Variants in ESYT3 observed in about 807,000 individuals in gnomAD.
The protein encoded by ESYT3 is extended synaptotagmin 3.
Under a neutral mutation model 111.5 loss-of-function variants are expected in ESYT3, and 101 were observed. The ratio of observed to expected loss-of-function variants is 0.91; its 90% CI spans 0.77 to 1.07. The LOEUF is 1.07. Ranked by LOEUF, ESYT3 falls within the 50% of genes least tolerant of loss-of-function variation. The probability of loss-of-function intolerance (pLI) is 0.00; values close to 1 mark genes in which losing one functional copy is unlikely to be tolerated. For synonymous variants in ESYT3, 416 were observed against 446.8 expected (o/e 0.93, Z 0.87); for missense variants, 1,097 against 1,109.4 (o/e 0.99, Z 0.16).
At chr3:138,455,055 G>A in intron 2 of ESYT3, 139 bp from the exon 3 acceptor site, 5 of 891,930 alleles carry the variant, frequency 5.6e-6, no homozygotes, top group Non-Finnish European at 6.9e-6. Context: ...GGGTGGGCAG[G>A]CAAGCAGGTG....
In ESYT3 at chr3:138,472,245, G is replaced by T. The variant is rs2033255354; in HGVS notation, c.1741-118G>T. The T allele has an allele frequency of 2.2e-6, 3 of 1,335,748 alleles. No homozygotes were observed. In the South Asian group the frequency reaches 4.3e-5, roughly 19 times the overall value. 82.7% of individuals were successfully genotyped at this position (1,335,748 alleles called of 1,614,324 possible). A position where few individuals can be genotyped will look rare whatever the true frequency, so the allele number is the denominator to read the frequency against. On this transcript the variant is annotated intron_variant, in intron 17 of 22. Coordinates refer to ENST00000389567, the MANE Select transcript of ESYT3 (RefSeq NM_031913.5). ...ACCATATGTATTACTGGAAATGGAA[G>T]TTCCCTAGGAAGGGTCTTTATAATT...
intron 20 of ESYT3, 89 bp downstream of exon 20, chr3:138,474,441 C>T (rs2033391605): frequency 1.4e-6 from 2 of 1,414,960 alleles, no homozygotes; most frequent in African/African-American, 2.9e-5. Flanking sequence ...CTGCCAGATG[C>T]TGGAAGGGGC....
rs574925789 is a variant in ESYT3, at chr3:138,439,616, G to T, written c.327+4491G>T. Among the ~76,000 whole-genome samples the T allele has an allele frequency of 3.3e-5, 5 of 152,286 alleles. No individual in the cohort carries two copies. In the South Asian group the frequency reaches 1.0e-3, roughly 32 times the overall value. On this transcript the variant is annotated intron_variant, in intron 1 of 22. Transcript: ENST00000389567. ...CCCTTCACTGACCCGTGAATTTCCA[G>T]TTACTCATTCAGCCATTGATCAGTG...
In ESYT3 at chr3:138,477,902, G is replaced by GAAGC. The variant is rs562014445; in HGVS notation, c.*1050_*1053dup. On this transcript the variant is annotated 3_prime_UTR_variant, in exon 23 of 23. Transcript: ENST00000389567. ...CCTCTGCCTTCACTGCCACTTTTCT[G>GAAGC]AAGCAGGGCAACATTCGAGAACAAA... 2 of 152,136 alleles carry GAAGC rather than the reference G, an allele frequency of 1.3e-5. No individual in the cohort carries two copies. The highest frequency in any genetic ancestry group is 4.1e-4 in the South Asian group (2 of 4,832). 9.4% of individuals were successfully genotyped at this position (152,136 alleles called of 1,614,324 possible).
At position 138,478,405 on chromosome 3, in the gene ESYT3, T is replaced by C. The variant is rs1351608862; in HGVS notation, c.*1551T>C. ...CAAATTCTCATAATAAAATGGAGCA[T>C]TGATGCCTACCCTGTCTACCTTATG... On this transcript the variant is annotated 3_prime_UTR_variant, in exon 23 of 23. Transcript: ENST00000389567. 1 of 152,166 alleles carries C rather than the reference T, an allele frequency of 6.6e-6. No homozygotes were observed. Among genetic ancestry groups the C allele is most frequent in the Admixed American group, 6.5e-5 (1 of 15,284 alleles). 9.4% of individuals were successfully genotyped at this position (152,166 alleles called of 1,614,324 possible). A position where few individuals can be genotyped will look rare whatever the true frequency, so the allele number is the denominator to read the frequency against.
intron 4 of ESYT3, 133 bp downstream of exon 4, chr3:138,457,777 C>T (rs1363603533): frequency 6.2e-6 from 5 of 806,920 alleles, no homozygotes; most frequent in African/African-American, 1.7e-5. Context: ...TCCCCTCCTC[C>T]CAGCTTCTCC....
At chr3:138,439,358 C>G (rs1166125093) in intron 1 of ESYT3, among the ~76,000 whole-genome samples, 1 of 152,230 alleles carries the variant, frequency 6.6e-6, no homozygotes, top group South Asian at 2.1e-4. Context: ...TTCTGTGGAA[C>G]CCCCTGCACC....
chr3:138,436,039 T>G (rs953384945), intron 1 of ESYT3, among the ~76,000 whole-genome samples: 1 of 152,204 alleles, frequency 6.6e-6, no homozygotes, highest in East Asian at 1.9e-4. Context: ...GTCTCTAGCC[T>G]GTGGCCTATA....
chr3:138,442,589 G>A (rs1560211239), intron 1 of ESYT3, among the ~76,000 whole-genome samples: 1 of 152,150 alleles, frequency 6.6e-6, no homozygotes, highest in Non-Finnish European at 1.5e-5. Context: ...CTCCTACAGG[G>A]CCCTGAGCAT....
rs1270880829 is a variant in ESYT3 at position 138,470,961 on chromosome 3, G to C, written c.1675G>C (p.Glu559Gln). The C allele has an allele frequency of 1.2e-6, 2 of 1,614,128 alleles. No homozygotes were observed. The highest frequency in any genetic ancestry group is 1.7e-6 in the Non-Finnish European group (2 of 1,180,026). The change falls in exon 17 of 23, where the codon GAG becomes CAG. Residue 559 changes from glutamate to glutamine, a missense_variant. Transcript: ENST00000389567. ...QILPYADLTL[E>Q]QRFQLDHSGL... The stretch of plus-strand genomic sequence containing the variant: ...CCTCCCCTATGCTGACCTCACTCTT[G>C]AGCAGCGCTTTCAGCTGGACCACTC...
In ESYT3 at chr3:138,443,736, C is replaced by CTG. The variant is rs11268903; in HGVS notation, c.328-8293_328-8292dup. On this transcript the variant is annotated intron_variant, in intron 1 of 22. Transcript: ENST00000389567. The stretch of plus-strand genomic sequence containing the variant: ...TGTCCACACATCTGTGTTTGTGCAT[C>CTG]TGTGTGTGTGTGTGTGTGTGACATG... 1.4e-3 allele frequency among the ~76,000 whole-genome samples: 201 copies of CTG among 147,936 alleles called. 1 individual carries two copies. Among genetic ancestry groups the CTG allele is most frequent in the South Asian group, 5.2e-3 (24 of 4,654 alleles).
chr3:138,456,937 A>T (rs2032310040), intron 3 of ESYT3, among the ~76,000 whole-genome samples: 1 of 152,110 alleles, frequency 6.6e-6, no homozygotes, highest in Non-Finnish European at 1.5e-5. Context: ...GCCCTGCAGG[A>T]GAAACACCTG....
rs568518223 is a variant in ESYT3, at chr3:138,451,953, C to T, written c.328-95C>T. On this transcript the variant is annotated intron_variant, in intron 1 of 22. Coordinates refer to ENST00000389567, the MANE Select transcript of ESYT3 (RefSeq NM_031913.5). ...GGGGAGGAAGGGTTGAGGTGCAGCG[C>T]GTGGGCGGAATGGGAAGCCCGCCAG... 1.3e-4 allele frequency: 177 copies of T among 1,366,542 alleles called. 1 individual carries two copies. The South Asian group carries it at 1.9e-3, about 14-fold the overall frequency. The allele number at this position is 1,366,542 out of a possible 1,614,324, so 84.7% of individuals were successfully genotyped here. A position where few individuals can be genotyped will look rare whatever the true frequency, so the allele number is the denominator to read the frequency against.
chr3:138,465,640 G>T (rs1181472596), intron 10 of ESYT3, among the ~76,000 whole-genome samples: 1 of 152,170 alleles, frequency 6.6e-6, no homozygotes, highest in East Asian at 1.9e-4. Context: ...GCCCTGGGGG[G>T]TACAGAGAGG....
At chr3:138,481,605 A>T (rs2033689737), downstream of ESYT3, 1 of 151,542 alleles carries the variant, frequency 6.6e-6, no homozygotes, top group Non-Finnish European at 1.5e-5. Context: ...TGACCTCGTG[A>T]TCTGCCCGCC....
chr3:138,448,758 A>G (rs73864576), intron 1 of ESYT3, among the ~76,000 whole-genome samples: 1 of 152,208 alleles, frequency 6.6e-6, no homozygotes, highest in Admixed American at 6.5e-5. Context: ...ATCAGTCTCT[A>G]TGATTTCATC....
chr3:138,443,756 G>GTGTGTGACT (rs1553810678), intron 1 of ESYT3, among the ~76,000 whole-genome samples: 13 of 151,466 alleles, frequency 8.6e-5, no homozygotes, highest in East Asian at 3.9e-4. Flanking sequence ...GTGTGTGTGT[G>GTGTGTGACT]ACATGGCTGC....
rs759507033 is a variant in ESYT3 at position 138,468,808 on chromosome 3, C to A, written c.1372-11C>A. The stretch of plus-strand genomic sequence containing the variant: ...CTGTGTTGCTTTAACCCCGTTATTC[C>A]TGTGCTGCAGAGAAACCCTTTTGAC... On this transcript the variant is annotated splice_polypyrimidine_tract_variant and intron_variant, in intron 13 of 22. Coordinates refer to ENST00000389567, the MANE Select transcript of ESYT3 (RefSeq NM_031913.5). The A allele has an allele frequency of 6.8e-5, 109 of 1,614,176 alleles. 1 individual carries two copies. The South Asian group carries it at 1.0e-3, about 15-fold the overall frequency.
Position 138,477,175 on chromosome 3 carries a change from G to C in ESYT3, c.*321G>C, listed in dbSNP as rs1272847447. The C allele has an allele frequency of 4.2e-6, 1 of 235,722 alleles. No individual in the cohort carries two copies. Among genetic ancestry groups the C allele is most frequent in the Admixed American group, 5.3e-5 (1 of 18,698 alleles). 14.6% of individuals were successfully genotyped at this position (235,722 alleles called of 1,614,324 possible). On this transcript the variant is annotated 3_prime_UTR_variant, in exon 23 of 23. Transcript: ENST00000389567. Reference sequence around the variant, plus strand: ...TTAAACAAGTGCCACTTTTTAGTAGGTAATTATATACCATCTGATTTAGGA... The same window carrying C: ...TTAAACAAGTGCCACTTTTTAGTAGCTAATTATATACCATCTGATTTAGGA...
Sources: allele counts gnomAD v4.1 joint callset (sites outside exome capture counted in the v4.1 genomes callset), GRCh38; gene constraint gnomAD v4.1.1; transcripts MANE v1.5; gene names NCBI Gene and HGNC (gene_info 2026-07-23, HGNC 2026-07-21).